PSD3: variants seen among roughly 807,000 people sequenced by gnomAD.
The protein encoded by PSD3 is pleckstrin and Sec7 domain containing 3.
PSD3 carries 49 observed loss-of-function variants against 105.5 expected under a neutral mutation model. The ratio of observed to expected loss-of-function variants is 0.46; its 90% CI spans 0.37 to 0.59. The LOEUF is 0.59. Ranked by LOEUF, PSD3 falls within the 20% of genes least tolerant of loss-of-function variation. PSD3 has a pLI of 0.00. For synonymous variants in PSD3, 557 were observed against 457.8 expected, an observed-to-expected ratio of 1.22 and a Z score of -2.77; for missense variants, 1,561 against 1,263.8, an observed-to-expected ratio of 1.24 and a Z score of -3.57.
intron 4 of PSD3, among the ~76,000 whole-genome samples, chr8:18,835,732 A>G (rs1814051965): frequency 6.6e-6 from 1 of 152,226 alleles, no homozygotes; most frequent in Non-Finnish European, 1.5e-5. Flanking sequence ...TGAACACTTC[A>G]AGGAGAAAGA....
At chr8:18,623,669 A>G (rs1341466310) in intron 11 of PSD3, among the ~76,000 whole-genome samples, 1 of 151,586 alleles carries the variant, frequency 6.6e-6, no homozygotes, top group Non-Finnish European at 1.5e-5. Flanking sequence ...AAATTGTAAA[A>G]CATATAAGAC....
Position 18,727,587 on chromosome 8 carries a change from C to T in PSD3, c.2172+37862G>A, listed in dbSNP as rs145503662. Among the ~76,000 whole-genome samples, 873 of 151,072 alleles carry T rather than the reference C, an allele frequency of 5.8e-3. 15 individuals are homozygous for T. The highest frequency in any genetic ancestry group is 0.017 in the African/African-American group (684 of 41,082). ...ACACACACACACACACACACACGCA[C>T]GCACACACACACCCCTCTTATTCAT... is the stretch of plus-strand genomic sequence containing the variant. On this transcript the variant is annotated intron_variant, in intron 9 of 15. Transcript: ENST00000327040.
upstream of PSD3, chr8:19,013,830 C>G (rs111353622): frequency 0.89 from 141,170 of 157,842 alleles, 62,537 homozygotes; most frequent in Middle Eastern, 0.97. Flanking sequence ...TGGCGGGCCC[C>G]GGGGGCGGAG....
At chr8:18,556,831 C>T (rs1585233696) in intron 14 of PSD3, among the ~76,000 whole-genome samples, 2 of 152,156 alleles carry the variant, frequency 1.3e-5, no homozygotes, top group South Asian at 2.1e-4. Flanking sequence ...AGCAGAGCTA[C>T]GAAGAAAAAT....
chr8:18,962,030 G>A, intron 1 of PSD3, among the ~76,000 whole-genome samples: 1 of 152,100 alleles, frequency 6.6e-6, no homozygotes, highest in Non-Finnish European at 1.5e-5. Context: ...CGGATCACTT[G>A]AGGTCAGGTG....
chr8:18,661,819 T>C (rs1444359142), intron 9 of PSD3, among the ~76,000 whole-genome samples: 1 of 152,164 alleles, frequency 6.6e-6, no homozygotes, highest in Non-Finnish European at 1.5e-5. Context: ...ATACAGAAGA[T>C]GAGTTTCTGG....
chr8:18,997,522 T>C (rs1374343773), intron 1 of PSD3, among the ~76,000 whole-genome samples: 1 of 152,006 alleles, frequency 6.6e-6, no homozygotes, highest in Non-Finnish European at 1.5e-5. Context: ...AGCAGCAGCA[T>C]GTCCTCCAAG....
At chr8:18,862,813 G>A (rs376153119) in intron 4 of PSD3, among the ~76,000 whole-genome samples, 3 of 145,024 alleles carry the variant, frequency 2.1e-5, no homozygotes, top group African/African-American at 7.7e-5. Flanking sequence ...TACAGATAGA[G>A]AAAAACTGAG....
At chr8:19,005,782 C>G (rs962967583) in intron 1 of PSD3, among the ~76,000 whole-genome samples, 6 of 151,928 alleles carry the variant, frequency 3.9e-5, no homozygotes, top group African/African-American at 1.4e-4. Context: ...AGCCACTGTG[C>G]CTGGCCTGGG....
At chr8:18,632,395 AAGG>A (rs1344604885) in intron 11 of PSD3, among the ~76,000 whole-genome samples, 2 of 152,062 alleles carry the variant, frequency 1.3e-5, no homozygotes, top group East Asian at 3.9e-4. Flanking sequence ...AATAAATTGA[AAGG>A]AGTTCTCCCT....
At chr8:18,750,928 G>A (rs942870961) in intron 9 of PSD3, among the ~76,000 whole-genome samples, 3 of 152,066 alleles carry the variant, frequency 2.0e-5, no homozygotes, top group Non-Finnish European at 4.4e-5. Context: ...CCCTGAGTTA[G>A]ACATAAAGAC....
rs568618577 is a variant in PSD3 at position 19,021,293 on chromosome 8, T to C, written c.324+62913A>G. 7.2e-4 allele frequency among the ~76,000 whole-genome samples: 109 copies of C among 152,358 alleles called. 1 individual carries two copies. Among genetic ancestry groups the C allele is most frequent in the Admixed American group, 1.4e-3 (21 of 15,298 alleles). The stretch of plus-strand genomic sequence containing the variant: ...TGCGTTCTGCTCTCTCCCTACCTCC[T>C]GCAATCATCACTTCTCTTTTTACCA... On this transcript the variant is annotated intron_variant, in intron 1 of 1. Transcript: ENST00000521475.
At chr8:18,752,565 T>C (rs537506730) in intron 9 of PSD3, among the ~76,000 whole-genome samples, 3 of 77,474 alleles carry the variant, frequency 3.9e-5, no homozygotes, top group African/African-American at 2.7e-4. Flanking sequence ...ATTATATATA[T>C]TATATATATA....
intron 9 of PSD3, among the ~76,000 whole-genome samples, chr8:18,743,774 TA>T (rs59579746): frequency 0.97 from 138,229 of 142,112 alleles, 67,221 homozygotes; most frequent in Non-Finnish European, 0.98. Context: ...CTGTCTCTAT[TA>T]AAAAAAAAAA....
chr8:18,914,416 A>G (rs539712749), intron 2 of PSD3, among the ~76,000 whole-genome samples: 2 of 152,266 alleles, frequency 1.3e-5, no homozygotes, highest in East Asian at 3.9e-4. Context: ...TTGAAAAGGA[A>G]TAAGTAAAAT....
At chr8:18,690,038 A>T (rs10503627) in intron 9 of PSD3, among the ~76,000 whole-genome samples, 2,723 of 152,284 alleles carry the variant, frequency 0.018, 162 homozygotes, top group East Asian at 0.14. Context: ...TGAAAGCTAA[A>T]TATTCCACGA....
intron 1 of PSD3, among the ~76,000 whole-genome samples, chr8:19,059,596 A>G (rs902294511): frequency 6.6e-6 from 1 of 152,234 alleles, no homozygotes; most frequent in Admixed American, 6.5e-5. Flanking sequence ...CCCTGTGCCT[A>G]GACAGGGAGA....
At chr8:18,939,006 A>C (rs575036581) in intron 1 of PSD3, among the ~76,000 whole-genome samples, 16 of 138,110 alleles carry the variant, frequency 1.2e-4, no homozygotes, top group African/African-American at 4.4e-4. Context: ...GTGATGCCCC[A>C]AGGACTCACT....
Position 18,625,276 on chromosome 8 carries a change from T to C in PSD3, c.2410+7337A>G, listed in dbSNP as rs571388330. On this transcript the variant is annotated intron_variant, in intron 11 of 15. Transcript: ENST00000327040. ...TTCTAATTATCTGACTTACTTTCTA[T>C]ATCATCCATCAAATTTTTATAAACA... 2.5e-3 allele frequency among the ~76,000 whole-genome samples: 377 copies of C among 152,242 alleles called. 1 individual carries two copies. Among genetic ancestry groups the C allele is most frequent in the South Asian group, 4.6e-3 (22 of 4,826 alleles).
Sources: allele counts gnomAD v4.1 joint callset (sites outside exome capture counted in the v4.1 genomes callset), GRCh38; gene constraint gnomAD v4.1.1; transcripts MANE v1.5; gene names NCBI Gene and HGNC (gene_info 2026-07-23, HGNC 2026-07-21).